NSMCE1: variants seen among roughly 807,000 people sequenced by gnomAD.
NSMCE1 encodes the protein non-structural maintenance of chromosomes element 1 homolog.
Under a neutral mutation model 29.6 loss-of-function variants are expected in NSMCE1, and 18 were observed. That is an observed-to-expected ratio of 0.61 (90% CI 0.42 to 0.90). The LOEUF (loss-of-function observed/expected upper bound fraction) is 0.90, where lower values mean the gene tolerates loss of function less well. Ranked by LOEUF, NSMCE1 falls within the 40% of genes least tolerant of loss-of-function variation. The pLI, the probability that NSMCE1 is intolerant of heterozygous loss-of-function variation, is 0.00. For synonymous variants in NSMCE1, 124 were observed against 133.4 expected, an observed-to-expected ratio of 0.93 and a Z score of 0.49; for missense variants, 314 against 343.6, an observed-to-expected ratio of 0.91 and a Z score of 0.68.
At chr16:27,237,095 GT>G (rs1241868912) in intron 2 of NSMCE1, among the ~76,000 whole-genome samples, 2 of 152,254 alleles carry the variant, frequency 1.3e-5, no homozygotes, top group Non-Finnish European at 2.9e-5. Context: ...GCCCAGGGCA[GT>G]GACACTAATG....
At chr16:27,247,612 A>G (rs969043156) in intron 2 of NSMCE1, among the ~76,000 whole-genome samples, 3 of 152,056 alleles carry the variant, frequency 2.0e-5, no homozygotes, top group African/African-American at 7.2e-5. Flanking sequence ...TCAGGTACGC[A>G]TTGTCTAGAA....
intron 5 of NSMCE1, among the ~76,000 whole-genome samples, chr16:27,229,123 C>T (rs908589812): frequency 6.6e-6 from 1 of 152,236 alleles, no homozygotes; most frequent in Admixed American, 6.5e-5. Context: ...CTGCTCGCCT[C>T]GCAATCTTTG....
intron 5 of NSMCE1, among the ~76,000 whole-genome samples, chr16:27,231,382 A>G (rs2083760658): frequency 6.6e-6 from 1 of 152,220 alleles, no homozygotes; most frequent in South Asian, 2.1e-4. Context: ...CACGCCTGTC[A>G]TCCCAGCACT....
intron 2 of NSMCE1, among the ~76,000 whole-genome samples, chr16:27,236,843 G>A (rs1340943958): frequency 6.6e-6 from 1 of 152,164 alleles, no homozygotes; most frequent in Non-Finnish European, 1.5e-5. Flanking sequence ...CGCCAGGAAG[G>A]GACTAAACGA....
At chr16:27,230,417 G>A (rs1207760836) in intron 5 of NSMCE1, among the ~76,000 whole-genome samples, 1 of 152,192 alleles carries the variant, frequency 6.6e-6, no homozygotes, top group Non-Finnish European at 1.5e-5. Context: ...TCCTGGGTAA[G>A]TGAGCACCCG....
intron 5 of NSMCE1, 128 bp from the exon 6 acceptor site, chr16:27,226,964 C>T: frequency 3.0e-6 from 2 of 657,162 alleles, no homozygotes; most frequent in Non-Finnish European, 5.4e-6. Context: ...TTTTCACCAA[C>T]CCCAGCCAAC....
intron 2 of NSMCE1, among the ~76,000 whole-genome samples, chr16:27,243,144 G>A (rs1462654958): frequency 6.6e-6 from 1 of 152,216 alleles, no homozygotes; most frequent in Non-Finnish European, 1.5e-5. Context: ...TGTTTACACA[G>A]AATCTCCTGG....
At chr16:27,258,902 C>G (rs1323976942) in intron 1 of NSMCE1, among the ~76,000 whole-genome samples, 1 of 152,040 alleles carries the variant, frequency 6.6e-6, no homozygotes, top group Non-Finnish European at 1.5e-5. Context: ...AGGCGCCCAC[C>G]ACCGTGCCTG....
At chr16:27,250,205 C>T (rs2084008211) in intron 2 of NSMCE1, among the ~76,000 whole-genome samples, 2 of 152,188 alleles carry the variant, frequency 1.3e-5, no homozygotes, top group Admixed American at 6.5e-5. Flanking sequence ...TGTCTGTGAA[C>T]TGACAGTTTT....
At chr16:27,235,056 T>C (rs761259859) in intron 3 of NSMCE1, 122 bp downstream of exon 3, 30 of 854,580 alleles carry the variant, frequency 3.5e-5, no homozygotes, top group Non-Finnish European at 4.7e-5. Context: ...TTCTATACAT[T>C]TGGAGTGACT....
Position 27,225,075 on chromosome 16 carries a change from G to C in NSMCE1, c.*82C>G. On this transcript the variant is annotated 3_prime_UTR_variant, in exon 8 of 8. Transcript: ENST00000361439. ...GAAAGAGGTGACTCGCGTGGAACCT[G>C]AAACACGGACGCCTTTCTTCCAAGA... 2.5e-6 allele frequency: 2 copies of C among 791,006 alleles called. No individual in the cohort carries two copies. The allele number at this position is 791,006 out of a possible 1,614,324, so 49.0% of individuals were successfully genotyped here.
chr16:27,225,238 T>C lies in NSMCE1; in HGVS notation c.722-2A>G. ...TCTCCTTCTCAGGGTCGAAGACTTC[T>C]GTAGACAGAAAAGGCAGGAAAGACA... On this transcript the variant is annotated splice_acceptor_variant, in intron 7 of 7. Transcript: ENST00000361439. LOFTEE classifies it high-confidence loss of function. 6.3e-7 allele frequency: 1 copy of C among 1,591,218 alleles called. No homozygotes were observed. The highest frequency in any genetic ancestry group is 8.6e-7 in the Non-Finnish European group (1 of 1,162,972).
chr16:27,256,908 G>A (rs1266961703), intron 2 of NSMCE1, among the ~76,000 whole-genome samples: 1 of 151,996 alleles, frequency 6.6e-6, no homozygotes. Flanking sequence ...AAATAGAGAG[G>A]GTCTTGCTAC....
intron 6 of NSMCE1, 43 bp from the exon 7 acceptor site, chr16:27,225,889 T>C: frequency 6.2e-7 from 1 of 1,608,906 alleles, no homozygotes; most frequent in Non-Finnish European, 8.5e-7. Flanking sequence ...GGTGCACACC[T>C]CCATGTTCTG....
At chr16:27,254,863 ATGCTTTTTTTTTTTTTT>A (rs2084068936) in intron 2 of NSMCE1, among the ~76,000 whole-genome samples, 1 of 106,468 alleles carries the variant, frequency 9.4e-6, no homozygotes, top group African/African-American at 3.6e-5. Flanking sequence ...AAGTCCAACC[ATGCTTTTTTTTTTTTTT>A]TTTTTTTTTT....
chr16:27,257,721 G>C, intron 1 of NSMCE1, 140 bp from the exon 2 acceptor site: 1 of 694,736 alleles, frequency 1.4e-6, no homozygotes, highest in South Asian at 2.1e-5. Flanking sequence ...CTACAAAGGT[G>C]AGAAGAAGAA....
rs943473098 is a variant in NSMCE1, at chr16:27,268,706, C to T, written c.-12G>A. ...ACCCCTAGCTCCCCACGTTACCCAC[C>T]AGGGAGCCCAAGCGCATCCCAGGCC... On this transcript the variant is annotated splice_region_variant and 5_prime_UTR_variant, in exon 1 of 8. Transcript: ENST00000361439. 6.5e-6 allele frequency: 1 copy of T among 152,812 alleles called. No homozygotes were observed. The highest frequency in any genetic ancestry group is 1.5e-5 in the Non-Finnish European group (1 of 68,094). The allele number at this position is 152,812 out of a possible 1,614,324, so 9.5% of individuals were successfully genotyped here.
At chr16:27,246,267 A>T (rs1049599201) in intron 2 of NSMCE1, among the ~76,000 whole-genome samples, 1 of 152,216 alleles carries the variant, frequency 6.6e-6, no homozygotes, top group Non-Finnish European at 1.5e-5. Context: ...CTAAACCTAA[A>T]TTTTTAAATC....
intron 2 of NSMCE1, among the ~76,000 whole-genome samples, chr16:27,237,948 G>A (rs541290318): frequency 4.6e-5 from 7 of 152,230 alleles, no homozygotes; most frequent in South Asian, 4.1e-4. Flanking sequence ...CTCCGCTATC[G>A]CCCTCTTTCC....
Sources: gnomAD v4.1 joint callset for allele counts (sites outside exome capture counted in the v4.1 genomes callset) on GRCh38, gnomAD v4.1.1 for gene constraint, MANE v1.5 for transcripts, NCBI Gene and HGNC (gene_info 2026-07-23, HGNC 2026-07-21) for gene names.